FHIT: variants seen among roughly 807,000 people sequenced by gnomAD.
FHIT encodes the protein bis(5'-adenosyl)-triphosphatase.
In FHIT, 19 loss-of-function variants were observed where a neutral mutation model predicts 17.9. The observed-to-expected ratio is 1.06, with a 90% CI of 0.74 to 1.56. FHIT has a LOEUF of 1.56. FHIT is among the 40% of genes most tolerant of loss of function. The pLI, the probability that FHIT is intolerant of heterozygous loss-of-function variation, is 0.00. For synonymous variants in FHIT, 81 were observed against 69.7 expected (o/e 1.16, Z -0.81); for missense variants, 248 against 189.2 (o/e 1.31, Z -1.82).
chr3:59,768,366 C>A (rs566435940), intron 8 of FHIT, among the ~76,000 whole-genome samples: 1 of 152,190 alleles, frequency 6.6e-6, no homozygotes, highest in South Asian at 2.1e-4. Context: ...CTGTTTCCAT[C>A]TCATGTGAGT....
intron 5 of FHIT, among the ~76,000 whole-genome samples, chr3:60,424,915 A>G (rs576725406): frequency 1.3e-5 from 2 of 152,308 alleles, no homozygotes; most frequent in South Asian, 2.1e-4. Context: ...AGTTTTTATC[A>G]GTAGTCACCT....
intron 5 of FHIT, among the ~76,000 whole-genome samples, chr3:60,341,033 C>T (rs1435207317): frequency 6.6e-6 from 1 of 152,076 alleles, no homozygotes; most frequent in African/African-American, 2.4e-5. Flanking sequence ...AATAGTATAG[C>T]ATTGGGGAAT....
chr3:60,421,376 T>C (rs193169588), intron 5 of FHIT, among the ~76,000 whole-genome samples: 3 of 152,264 alleles, frequency 2.0e-5, no homozygotes, highest in Non-Finnish European at 2.9e-5. Flanking sequence ...TGAAATTTAG[T>C]TCAATCGATA....
At chr3:59,970,535 T>A (rs1269134511) in intron 7 of FHIT, among the ~76,000 whole-genome samples, 1 of 152,108 alleles carries the variant, frequency 6.6e-6, no homozygotes, top group Non-Finnish European at 1.5e-5. Flanking sequence ...CTTATTTTTA[T>A]AAGGGTTGGC....
intron 4 of FHIT, among the ~76,000 whole-genome samples, chr3:60,578,347 G>C (rs2037639336): frequency 2.0e-5 from 3 of 151,726 alleles, no homozygotes; most frequent in Admixed American, 6.6e-5. Flanking sequence ...TGACGCAGGA[G>C]AATCACTTGA....
At chr3:60,359,469 C>T (rs370613386) in intron 5 of FHIT, among the ~76,000 whole-genome samples, 6 of 151,960 alleles carry the variant, frequency 3.9e-5, no homozygotes, top group African/African-American at 1.4e-4. Flanking sequence ...TCAGTAGAGA[C>T]AGGGTTTCAC....
chr3:60,746,160 A>G (rs1553715300), intron 4 of FHIT, among the ~76,000 whole-genome samples: 1 of 152,182 alleles, frequency 6.6e-6, no homozygotes, highest in South Asian at 2.1e-4. Flanking sequence ...GTGGTCATCA[A>G]TCTTTGTTAT....
intron 5 of FHIT, among the ~76,000 whole-genome samples, chr3:60,357,734 C>T (rs900614339): frequency 7.2e-5 from 11 of 152,152 alleles, no homozygotes; most frequent in African/African-American, 2.7e-4. Context: ...TATTGATACA[C>T]ATATTTAACA....
At chr3:60,967,546 G>A (rs963710443) in intron 3 of FHIT, among the ~76,000 whole-genome samples, 1 of 152,326 alleles carries the variant, frequency 6.6e-6, no homozygotes, top group East Asian at 1.9e-4. Flanking sequence ...GGACAAAAGT[G>A]TCAATGGTTA....
chr3:60,746,215 A>G (rs1033415046), intron 4 of FHIT, among the ~76,000 whole-genome samples: 2 of 152,228 alleles, frequency 1.3e-5, no homozygotes, highest in Non-Finnish European at 2.9e-5. Flanking sequence ...AGTAAGCAGC[A>G]AAAGACAAAG....
At chr3:60,793,863 C>T (rs1024614191) in intron 4 of FHIT, among the ~76,000 whole-genome samples, 3 of 152,258 alleles carry the variant, frequency 2.0e-5, no homozygotes, top group Admixed American at 2.0e-4. Flanking sequence ...CCAGCAGCTC[C>T]AATTGGTCCT....
In FHIT at chr3:60,395,560, A is replaced by G. The variant is rs546193494; in HGVS notation, c.103+141300T>C. Among the ~76,000 whole-genome samples the G allele has an allele frequency of 5.3e-5, 8 of 152,296 alleles. No homozygotes were observed. The South Asian group carries it at 1.7e-3, about 32-fold the overall frequency. ...AGCGAATGAGTCATGCCTCTGAGGA[A>G]GAAGGTAACGAGTTTATGAGCTAGA... On this transcript the variant is annotated intron_variant, in intron 5 of 9. Transcript: ENST00000492590.
At chr3:60,291,622 C>A (rs1053592972) in intron 5 of FHIT, among the ~76,000 whole-genome samples, 3 of 152,112 alleles carry the variant, frequency 2.0e-5, no homozygotes, top group Non-Finnish European at 2.9e-5. Context: ...AAAATAATTT[C>A]TTGGGATGCT....
intron 2 of FHIT, among the ~76,000 whole-genome samples, chr3:61,187,985 A>T (rs184177412): frequency 6.6e-6 from 1 of 152,246 alleles, no homozygotes; most frequent in Non-Finnish European, 1.5e-5. Flanking sequence ...AGCAGAAAAG[A>T]TCTAAAATTG....
intron 3 of FHIT, among the ~76,000 whole-genome samples, chr3:61,014,810 A>AAAAAAT (rs1559910694): frequency 2.3e-5 from 3 of 129,876 alleles, no homozygotes; most frequent in African/African-American, 5.8e-5. Flanking sequence ...AAAAAAAAAT[A>AAAAAAT]TATATATATA....
intron 3 of FHIT, among the ~76,000 whole-genome samples, chr3:60,907,726 A>G (rs1430215700): frequency 6.6e-6 from 1 of 152,222 alleles, no homozygotes; most frequent in Non-Finnish European, 1.5e-5. Context: ...AAATGTTAAT[A>G]ACTGGATCCT....
chr3:59,859,535 T>C (rs987623063), intron 8 of FHIT, among the ~76,000 whole-genome samples: 6 of 152,174 alleles, frequency 3.9e-5, no homozygotes, highest in African/African-American at 1.2e-4. Flanking sequence ...CTGGCCAACA[T>C]GGTGAAACTC....
At chr3:60,787,893 T>G (rs1553727415) in intron 4 of FHIT, among the ~76,000 whole-genome samples, 1 of 152,140 alleles carries the variant, frequency 6.6e-6, no homozygotes, top group African/African-American at 2.4e-5. Flanking sequence ...TCTTTTGCAT[T>G]TTTGTACATA....
chr3:60,104,224 C>T (rs957403377), intron 5 of FHIT, among the ~76,000 whole-genome samples: 1 of 152,146 alleles, frequency 6.6e-6, no homozygotes, highest in Non-Finnish European at 1.5e-5. Context: ...TGAGTGGTCA[C>T]GTAGCCATAA....
Sources: allele counts gnomAD v4.1 joint callset (sites outside exome capture counted in the v4.1 genomes callset), GRCh38; gene constraint gnomAD v4.1.1; transcripts MANE v1.5; gene names NCBI Gene and HGNC (gene_info 2026-07-23, HGNC 2026-07-21).